LSAMP: variants seen among roughly 807,000 people sequenced by gnomAD.
LSAMP encodes the protein limbic system-associated membrane protein.
Under a neutral mutation model 38.6 loss-of-function variants are expected in LSAMP, and 7 were observed. That is an observed-to-expected ratio of 0.18 (90% CI 0.10 to 0.34). LSAMP has a LOEUF of 0.34. LSAMP is among the 10% of genes least tolerant of loss of function. The probability of loss-of-function intolerance (pLI) is 1.00; values close to 1 mark genes in which losing one functional copy is unlikely to be tolerated. For synonymous variants in LSAMP, 154 were observed against 166.8 expected (o/e 0.92, Z 0.59); for missense variants, 313 against 420.0 (o/e 0.75, Z 2.23).
intron 1 of LSAMP, among the ~76,000 whole-genome samples, chr3:116,223,794 G>A (rs1248407562): frequency 6.6e-6 from 1 of 152,108 alleles, no homozygotes; most frequent in Non-Finnish European, 1.5e-5. Context: ...GTCTTCTTAA[G>A]GTTCATGGTG....
chr3:116,210,246 G>C (rs1489443374), intron 1 of LSAMP, among the ~76,000 whole-genome samples: 1 of 152,142 alleles, frequency 6.6e-6, no homozygotes, highest in Non-Finnish European at 1.5e-5. Context: ...TATTGTTCCT[G>C]GGTGTGTCTG....
chr3:116,182,541 CA>C (rs1314831938), intron 1 of LSAMP, among the ~76,000 whole-genome samples: 2 of 151,554 alleles, frequency 1.3e-5, no homozygotes, highest in East Asian at 3.9e-4. Context: ...AGATGGGACT[CA>C]ATTTTTTCAG....
intron 3 of LSAMP, among the ~76,000 whole-genome samples, chr3:115,972,668 G>A (rs950237340): frequency 6.6e-6 from 1 of 151,214 alleles, no homozygotes; most frequent in African/African-American, 2.4e-5. Flanking sequence ...TTTGAATTAA[G>A]GTTAAGAACA....
chr3:116,280,641 C>T lies in LSAMP; in HGVS notation c.155+164236G>A, dbSNP rs139786203. Among the ~76,000 whole-genome samples, 46 of 152,278 alleles carry T rather than the reference C, an allele frequency of 3.0e-4. No individual in the cohort carries two copies. The East Asian group carries it at 8.7e-3, about 29-fold the overall frequency. ...AAACTTTCATAGACTTGGAAATAAACATCTTCTGAGAATGTGATTTACTTA... is the reference window on the plus strand; with the variant it reads ...AAACTTTCATAGACTTGGAAATAAATATCTTCTGAGAATGTGATTTACTTA... On this transcript the variant is annotated intron_variant, in intron 1 of 6. Transcript: ENST00000490035.
intron 1 of LSAMP, among the ~76,000 whole-genome samples, chr3:116,232,732 G>T (rs1414344703): frequency 4.4e-5 from 5 of 113,816 alleles, no homozygotes; most frequent in South Asian, 2.8e-4. Flanking sequence ...AGGTAGATTT[G>T]CTGCCAGAGG....
At chr3:116,030,306 T>C (rs770638918) in intron 2 of LSAMP, among the ~76,000 whole-genome samples, 7 of 152,060 alleles carry the variant, frequency 4.6e-5, no homozygotes, top group Non-Finnish European at 8.8e-5. Context: ...ATAGGTGCAC[T>C]CTGTGTGATG....
At chr3:116,403,546 T>C (rs1228051497) in intron 1 of LSAMP, among the ~76,000 whole-genome samples, 1 of 152,156 alleles carries the variant, frequency 6.6e-6, no homozygotes, top group Non-Finnish European at 1.5e-5. Context: ...TTGAAGAGCA[T>C]ACATTAACTA....
chr3:116,120,870 C>T (rs552385497), intron 1 of LSAMP, among the ~76,000 whole-genome samples: 1 of 152,332 alleles, frequency 6.6e-6, no homozygotes, highest in Non-Finnish European at 1.5e-5. Flanking sequence ...AGGCTATCAT[C>T]ATAACTGGAG....
At chr3:116,278,947 A>C (rs1351296857) in intron 1 of LSAMP, among the ~76,000 whole-genome samples, 2 of 152,204 alleles carry the variant, frequency 1.3e-5, no homozygotes, top group African/African-American at 4.8e-5. Context: ...CTATTCTGCT[A>C]GTGCCCTGGG....
intron 1 of LSAMP, among the ~76,000 whole-genome samples, chr3:116,214,762 C>T (rs2046201084): frequency 6.6e-6 from 1 of 152,048 alleles, no homozygotes; most frequent in African/African-American, 2.4e-5. Flanking sequence ...CTCAGCCTCC[C>T]AAAGTGCTGG....
chr3:116,152,473 C>T (rs1475733123), intron 1 of LSAMP, among the ~76,000 whole-genome samples: 1 of 152,114 alleles, frequency 6.6e-6, no homozygotes. Context: ...AATCATGACA[C>T]TGCACTGCCT....
At position 116,286,276 on chromosome 3, in the gene LSAMP, T is replaced by C. The variant is rs1048977058; in HGVS notation, c.155+158601A>G. The stretch of plus-strand genomic sequence containing the variant: ...AATGGAGACCTCATGTGTAAATATG[T>C]GCAAATGTTGAACTAAATTTATCCC... On this transcript the variant is annotated intron_variant, in intron 1 of 6. Coordinates refer to ENST00000490035, the MANE Select transcript of LSAMP (RefSeq NM_002338.5). Among the ~76,000 whole-genome samples, 58 of 152,336 alleles carry C rather than the reference T, an allele frequency of 3.8e-4. 2 individuals are homozygous for C. The highest frequency in any genetic ancestry group is 3.4e-3 in the Admixed American group (52 of 15,296).
chr3:116,339,882 C>T (rs2047970185), intron 1 of LSAMP, among the ~76,000 whole-genome samples: 1 of 152,050 alleles, frequency 6.6e-6, no homozygotes, highest in African/African-American at 2.4e-5. Flanking sequence ...CATTCAAAGC[C>T]ACAGAGTAAC....
intron 3 of LSAMP, among the ~76,000 whole-genome samples, chr3:115,970,171 T>C (rs2107609656): frequency 6.6e-6 from 1 of 152,028 alleles, no homozygotes; most frequent in East Asian, 1.9e-4. Context: ...GAACAGAAAA[T>C]AATAAGACCA....
intron 1 of LSAMP, among the ~76,000 whole-genome samples, chr3:116,423,700 G>C (rs2049158976): frequency 6.6e-6 from 1 of 152,138 alleles, no homozygotes; most frequent in Admixed American, 6.6e-5. Context: ...ACCTCAATGG[G>C]AACAGAGAGC....
At chr3:116,006,760 C>T (rs1940172319) in intron 3 of LSAMP, among the ~76,000 whole-genome samples, 1 of 152,186 alleles carries the variant, frequency 6.6e-6, no homozygotes, top group Admixed American at 6.5e-5. Context: ...TATGTGTTAT[C>T]ATCAGAATGA....
chr3:116,126,297 G>A (rs1709007253), intron 1 of LSAMP, among the ~76,000 whole-genome samples: 2 of 152,318 alleles, frequency 1.3e-5, no homozygotes, highest in African/African-American at 4.8e-5. Flanking sequence ...AAGCTGATGA[G>A]CGTTGAGAGT....
intron 3 of LSAMP, among the ~76,000 whole-genome samples, chr3:115,946,337 A>G (rs1210079134): frequency 1.3e-5 from 2 of 152,164 alleles, no homozygotes; most frequent in South Asian, 2.1e-4. Flanking sequence ...GACTAACAGA[A>G]CAAAAGGAAT....
chr3:116,349,042 G>A (rs769952894), intron 1 of LSAMP, among the ~76,000 whole-genome samples: 1 of 151,070 alleles, frequency 6.6e-6, no homozygotes, highest in Non-Finnish European at 1.5e-5. Flanking sequence ...AGTTACTTAC[G>A]CTTCCCTCAG....
Sources: allele counts gnomAD v4.1 joint callset (sites outside exome capture counted in the v4.1 genomes callset), GRCh38; gene constraint gnomAD v4.1.1; transcripts MANE v1.5; gene names NCBI Gene and HGNC (gene_info 2026-07-23, HGNC 2026-07-21).